DDX43: variants seen among roughly 807,000 people sequenced by gnomAD.
The protein encoded by DDX43 is DEAD-box helicase 43.
A neutral mutation model predicts 84.9 loss-of-function variants in DDX43; 50 were observed. That is an observed-to-expected ratio of 0.59 (90% CI 0.47 to 0.75). DDX43 has a LOEUF of 0.75. Among genes scored for constraint, DDX43 ranks in the 30% least tolerant of loss-of-function variants. The probability of loss-of-function intolerance (pLI) is 0.00; values close to 1 mark genes in which losing one functional copy is unlikely to be tolerated. For missense variants in DDX43, 689 were observed against 798.6 expected (o/e 0.86, Z 1.65); for synonymous variants, 291 against 266.3 (o/e 1.09, Z -0.90).
At chr6:73,398,376 G>C (rs996713075) in intron 2 of DDX43, among the ~76,000 whole-genome samples, 8 of 152,084 alleles carry the variant, frequency 5.3e-5, no homozygotes, top group African/African-American at 1.9e-4. Context: ...CTCAGCCTCT[G>C]GAGTAGCTGG....
chr6:73,405,194 A>G (rs1769653793), intron 5 of DDX43, among the ~76,000 whole-genome samples: 1 of 152,214 alleles, frequency 6.6e-6, no homozygotes, highest in African/African-American at 2.4e-5. Flanking sequence ...TTTTAATTGC[A>G]ATGGTTTTTC....
At chr6:73,400,470 A>G in intron 3 of DDX43, 107 bp downstream of exon 3, 2 of 1,042,822 alleles carry the variant, frequency 1.9e-6, no homozygotes, top group Non-Finnish European at 2.7e-6. Flanking sequence ...TTAGGCTGCC[A>G]TAAATGCAGT....
chr6:73,415,777 GA>G (rs1446388739), intron 15 of DDX43, among the ~76,000 whole-genome samples, 193 bp downstream of exon 15: 13 of 152,274 alleles, frequency 8.5e-5, no homozygotes, highest in African/African-American at 3.1e-4. Flanking sequence ...GGTGAGCAAT[GA>G]AAGCCCCGCC....
rs1333388467 is a variant in DDX43, at chr6:73,412,658, T to C, written c.1368+366T>C. Among the ~76,000 whole-genome samples the C allele has an allele frequency of 1.8e-3, 154 of 87,910 alleles. 3 individuals carry two copies. The highest frequency in any genetic ancestry group is 6.0e-3 in the African/African-American group (143 of 24,004). The allele number at this position is 87,910 out of a possible 152,430, so 57.7% of individuals were successfully genotyped here. A position where few individuals can be genotyped will look rare whatever the true frequency, so the allele number is the denominator to read the frequency against. Reference sequence around the variant, plus strand: ...TATATAGTGTGTGTGTGTGTGTGTGTGTGTGTGTGTGCGCGCGCGCGTGTG... The same window carrying C: ...TATATAGTGTGTGTGTGTGTGTGTGCGTGTGTGTGTGCGCGCGCGCGTGTG... On this transcript the variant is annotated intron_variant, in intron 11 of 16. Transcript: ENST00000370336.
chr6:73,412,668 T>C (rs499173), intron 11 of DDX43, among the ~76,000 whole-genome samples: 13,976 of 107,346 alleles, frequency 0.13, 1,107 homozygotes, highest in Non-Finnish European at 0.14. Context: ...TGTGTGTGTG[T>C]GCGCGCGCGC....
intron 11 of DDX43, among the ~76,000 whole-genome samples, chr6:73,412,536 GTT>G (rs1769807299): frequency 1.3e-5 from 2 of 150,946 alleles, no homozygotes; most frequent in African/African-American, 4.9e-5. Flanking sequence ...GTGTGTGTGT[GTT>G]TGTGTCAGAG....
chr6:73,397,644 C>G lies in DDX43; in HGVS notation c.251-45C>G, dbSNP rs770425721. Reference sequence around the variant, plus strand: ...GGAAAATGGGTAAATTTTCAACTTACTAATTTCAACTTATAACAATATATT... The same window carrying G: ...GGAAAATGGGTAAATTTTCAACTTAGTAATTTCAACTTATAACAATATATT... On this transcript the variant is annotated intron_variant, in intron 1 of 16. Transcript: ENST00000370336. 4 of 1,490,490 alleles carry G rather than the reference C, an allele frequency of 2.7e-6. No homozygotes were observed. In the African/African-American group the frequency reaches 4.2e-5, roughly 16 times the overall value. The allele number at this position is 1,490,490 out of a possible 1,614,324, so 92.3% of individuals were successfully genotyped here. A position where few individuals can be genotyped will look rare whatever the true frequency, so the allele number is the denominator to read the frequency against.
In DDX43 at chr6:73,414,046, G is replaced by T; in HGVS notation, c.1573G>T (p.Asp525Tyr). 6.2e-7 allele frequency: 1 copy of T among 1,608,802 alleles called. No individual in the cohort carries two copies. The highest frequency in any genetic ancestry group is 1.1e-5 in the South Asian group (1 of 90,950). The change falls in exon 13 of 17, where the codon GAT (aspartate) becomes TAT (tyrosine). Residue 525 changes from aspartate to tyrosine, a missense_variant. Coordinates refer to ENST00000370336, the MANE Select transcript of DDX43 (RefSeq NM_018665.3). ...TCTGCATGGAGATAGAGAACAGAGA[G>T]ATCGGGAGAAAGCATTAGAGAACTT... ...ESLHGDREQR[D>Y]REKALENFKT...
intron 1 of DDX43, 149 bp downstream of exon 1, chr6:73,395,304 A>G (rs1358039194): frequency 6.5e-6 from 7 of 1,075,224 alleles, no homozygotes; most frequent in Admixed American, 2.9e-5. Context: ...AAACCTGGGG[A>G]TAGAGTATAA....
At chr6:73,407,854 C>T (rs1156246163) in intron 8 of DDX43, 106 bp from the exon 9 acceptor site, 6 of 1,117,586 alleles carry the variant, frequency 5.4e-6, no homozygotes, top group Non-Finnish European at 7.8e-6. Flanking sequence ...GGGGCAGATA[C>T]CCCTAAAGGT....
intron 6 of DDX43, among the ~76,000 whole-genome samples, 153 bp from the exon 7 acceptor site, chr6:73,406,211 A>ATG (rs1769679682): frequency 1.8e-5 from 1 of 54,570 alleles, no homozygotes; most frequent in Non-Finnish European, 4.5e-5. Flanking sequence ...TTTAGTAGAG[A>ATG]CGGTTTCTCT....
chr6:73,415,749 G>GA (rs748187432), intron 15 of DDX43, among the ~76,000 whole-genome samples, 165 bp downstream of exon 15: 1 of 152,150 alleles, frequency 6.6e-6, no homozygotes, highest in Non-Finnish European at 1.5e-5. Flanking sequence ...ATATAACTGG[G>GA]AAACTTAACC....
intron 2 of DDX43, among the ~76,000 whole-genome samples, chr6:73,399,746 A>G (rs9293929): frequency 0.094 from 14,366 of 152,246 alleles, 820 homozygotes; most frequent in Middle Eastern, 0.19. Flanking sequence ...AGCCCCTGAC[A>G]GTATACATGA....
chr6:73,403,087 T>C (rs1313836002), intron 4 of DDX43, among the ~76,000 whole-genome samples: 1 of 152,206 alleles, frequency 6.6e-6, no homozygotes, highest in Non-Finnish European at 1.5e-5. Flanking sequence ...AAGTTTCCTG[T>C]GTGGCCTAAA....
In DDX43 at chr6:73,417,176, C is replaced by T. The variant is rs1278536758; in HGVS notation, c.*26-11C>T. The T allele has an allele frequency of 6.6e-6, 1 of 151,966 alleles. No homozygotes were observed. Among genetic ancestry groups the T allele is most frequent in the African/African-American group, 2.4e-5 (1 of 41,382 alleles). 9.4% of individuals were successfully genotyped at this position (151,966 alleles called of 1,614,324 possible). On this transcript the variant is annotated splice_polypyrimidine_tract_variant and intron_variant, in intron 16 of 16. Coordinates refer to ENST00000370336, the MANE Select transcript of DDX43 (RefSeq NM_018665.3). The stretch of plus-strand genomic sequence containing the variant: ...GGGGTCAGCAATTTACATTTTTTTT[C>T]TATTTTTCAGAATTCAAGATTTTTT...
chr6:73,403,991 G>T (rs1769626558), intron 4 of DDX43, among the ~76,000 whole-genome samples: 1 of 151,946 alleles, frequency 6.6e-6, no homozygotes, highest in Non-Finnish European at 1.5e-5. Context: ...CTAATTTTTT[G>T]TATTTTTAGT....
In DDX43 at chr6:73,400,219, TC is replaced by T; in HGVS notation, c.307-11del. 1 of 1,563,380 alleles carries T rather than the reference TC, an allele frequency of 6.4e-7. No homozygotes were observed. The highest frequency in any genetic ancestry group is 8.6e-7 in the Non-Finnish European group (1 of 1,160,984). On this transcript the variant is annotated splice_polypyrimidine_tract_variant and intron_variant, in intron 2 of 16. Coordinates refer to ENST00000370336, the MANE Select transcript of DDX43 (RefSeq NM_018665.3). ...GGAAATTTTAAGTCTCACCTCTTTT[TC>T]CCCTTGTACCTAGATAATACAAGAA... is the stretch of plus-strand genomic sequence containing the variant.
At position 73,414,618 on chromosome 6, in the gene DDX43, C is replaced by A. The variant is rs541088081; in HGVS notation, c.1677C>A (p.Val559=). The A allele has an allele frequency of 1.2e-6, 2 of 1,613,588 alleles. No individual in the cohort carries two copies. Among genetic ancestry groups the A allele is most frequent in the Non-Finnish European group, 1.7e-6 (2 of 1,179,598 alleles). ...TTGATGTCCATGACGTTACACATGT[C>A]TATAATTTTGACTTTCCACGGAATA... The part of the protein sequence containing the change: ...RGLDVHDVTH[V]YNFDFPRNIE... The change falls in exon 14 of 17, where the codon GTC becomes GTA. Residue 559 remains valine (V), a synonymous_variant. Coordinates refer to ENST00000370336, the MANE Select transcript of DDX43 (RefSeq NM_018665.3).
At position 73,397,289 on chromosome 6, in the gene DDX43, G is replaced by A. The variant is rs147422061; in HGVS notation, c.251-400G>A. Reference sequence around the variant, plus strand: ...TCATTTTGTGGTTTCGATTTGCGTGGACCTGATTAGTGATGTTGAACATCT... The same window carrying A: ...TCATTTTGTGGTTTCGATTTGCGTGAACCTGATTAGTGATGTTGAACATCT... On this transcript the variant is annotated intron_variant, in intron 1 of 16. Coordinates refer to ENST00000370336, the MANE Select transcript of DDX43 (RefSeq NM_018665.3). Among the ~76,000 whole-genome samples, 4 of 152,266 alleles carry A rather than the reference G, an allele frequency of 2.6e-5. No homozygotes were observed. In the East Asian group the frequency reaches 7.7e-4, roughly 29 times the overall value.
Sources: gnomAD v4.1 joint callset for allele counts (sites outside exome capture counted in the v4.1 genomes callset) on GRCh38, gnomAD v4.1.1 for gene constraint, MANE v1.5 for transcripts, NCBI Gene and HGNC (gene_info 2026-07-23, HGNC 2026-07-21) for gene names.